The following METTL14 variants were observed in gnomAD, a reference collection of about 807,000 sequenced individuals.
METTL14 encodes the protein methyltransferase 14, N6-adenosine-methyltransferase non-catalytic subunit, also known as N(6)-adenosine-methyltransferase non-catalytic subunit METTL14.
In METTL14, 32 loss-of-function variants were observed where a neutral mutation model predicts 62.4. The observed-to-expected ratio is 0.51, with a 90% CI of 0.39 to 0.69. The LOEUF (loss-of-function observed/expected upper bound fraction) is 0.69. Ranked by LOEUF, METTL14 falls within the 30% of genes least tolerant of loss-of-function variation. The pLI is 0.00. For synonymous variants in METTL14, 150 were observed against 180.0 expected, an observed-to-expected ratio of 0.83 and a Z score of 1.34; for missense variants, 340 against 551.9, an observed-to-expected ratio of 0.62 and a Z score of 3.85.
At chr4:118,701,694 CATATT>C (rs1418229065) in intron 8 of METTL14, among the ~76,000 whole-genome samples, 1 of 152,078 alleles carries the variant, frequency 6.6e-6, no homozygotes. Flanking sequence ...GTTTTTATGA[CATATT>C]ATTTATTATA....
intron 7 of METTL14, among the ~76,000 whole-genome samples, chr4:118,699,554 C>A (rs1192728702): frequency 2.0e-5 from 3 of 152,052 alleles, no homozygotes; most frequent in Non-Finnish European, 2.9e-5. Flanking sequence ...ATATTAAAAA[C>A]CATTTTTTAT....
intron 1 of METTL14, among the ~76,000 whole-genome samples, chr4:118,687,705 G>A (rs1271486368): frequency 6.6e-6 from 1 of 152,134 alleles, no homozygotes; most frequent in South Asian, 2.1e-4. Context: ...AAAATGTTTT[G>A]CCAGCTGTCA....
At chr4:118,686,130 C>G (rs1045555785) in intron 1 of METTL14, among the ~76,000 whole-genome samples, 1 of 152,220 alleles carries the variant, frequency 6.6e-6, no homozygotes, top group Non-Finnish European at 1.5e-5. Flanking sequence ...AAATCTTACT[C>G]TGTGTTAGTC....
intron 9 of METTL14, 96 bp downstream of exon 9, chr4:118,704,147 G>A: frequency 1.4e-6 from 1 of 709,580 alleles, no homozygotes. Flanking sequence ...TCAGTGAAAA[G>A]GTCCTTTTCT....
intron 4 of METTL14, 109 bp downstream of exon 4, chr4:118,691,721 T>G: frequency 1.6e-6 from 1 of 610,748 alleles, no homozygotes; most frequent in Non-Finnish European, 2.8e-6. Context: ...TATTGAGGGA[T>G]CATTGTTATA....
In METTL14 at chr4:118,705,781, A is replaced by G; in HGVS notation, c.1026A>G (p.Arg342=). The change falls in exon 10 of 11, where the codon AGA becomes AGG. Residue 342 remains arginine, a synonymous_variant. Coordinates refer to ENST00000388822, the MANE Select transcript of METTL14 (RefSeq NM_020961.4). ...HIIEHFCLGR[R]RLHLFGRDST... ...TTGAGCATTTTTGTCTTGGTAGAAG[A>G]CGCCTTCATCTATTTGGAAGAGATA... 1 of 1,614,102 alleles carries G rather than the reference A, an allele frequency of 6.2e-7. No individual in the cohort carries two copies. The highest frequency in any genetic ancestry group is 1.3e-5 in the African/African-American group (1 of 75,044).
In METTL14 at chr4:118,700,794, A is replaced by T. The variant is rs971697689; in HGVS notation, c.738+152A>T. The T allele has an allele frequency of 5.4e-6, 3 of 551,790 alleles. No homozygotes were observed. In the African/African-American group the frequency reaches 5.7e-5, roughly 10 times the overall value. The allele number at this position is 551,790 out of a possible 1,614,324, so 34.2% of individuals were successfully genotyped here. Reference sequence around the variant, plus strand: ...GAGAAAAAAAAAATGTCCAGAAAAGAACGTAAGAAAGGCAATACTTGTAAG... The same window carrying T: ...GAGAAAAAAAAAATGTCCAGAAAAGTACGTAAGAAAGGCAATACTTGTAAG... On this transcript the variant is annotated intron_variant, in intron 8 of 10. Transcript: ENST00000388822.
intron 8 of METTL14, 108 bp downstream of exon 8, chr4:118,700,750 T>A: frequency 1.4e-6 from 1 of 693,874 alleles, no homozygotes; most frequent in Non-Finnish European, 2.3e-6. Flanking sequence ...CTTTGTTTCT[T>A]AAATAATTCT....
chr4:118,705,471 C>A, intron 9 of METTL14, 140 bp from the exon 10 acceptor site: 1 of 712,998 alleles, frequency 1.4e-6, no homozygotes, highest in Non-Finnish European at 2.4e-6. Context: ...GAGACCCAGT[C>A]TCAAAAAGAA....
At chr4:118,698,557 A>G (rs1173457392) in intron 7 of METTL14, among the ~76,000 whole-genome samples, 2 of 152,040 alleles carry the variant, frequency 1.3e-5, no homozygotes, top group African/African-American at 4.8e-5. Flanking sequence ...GAATTAGGGT[A>G]ATAGTAGGAA....
Position 118,710,433 on chromosome 4 carries a change from T to G in METTL14, c.*131T>G. ...CTTTAATTTCTCTGAGCTGCAAGAATGTCTTAGCGAGCCTTGCTTGCAGTT... is the reference window on the plus strand; with the variant it reads ...CTTTAATTTCTCTGAGCTGCAAGAAGGTCTTAGCGAGCCTTGCTTGCAGTT... On this transcript the variant is annotated 3_prime_UTR_variant, in exon 11 of 11. Coordinates refer to ENST00000388822, the MANE Select transcript of METTL14 (RefSeq NM_020961.4). 1 of 888,664 alleles carries G rather than the reference T, an allele frequency of 1.1e-6. No individual in the cohort carries two copies. Among genetic ancestry groups the G allele is most frequent in the Non-Finnish European group, 1.7e-6 (1 of 594,842 alleles). The allele number at this position is 888,664 out of a possible 1,614,324, so 55.0% of individuals were successfully genotyped here. A position where few individuals can be genotyped will look rare whatever the true frequency, so the allele number is the denominator to read the frequency against.
intron 7 of METTL14, 100 bp from the exon 8 acceptor site, chr4:118,700,450 G>T: frequency 1.1e-6 from 1 of 873,294 alleles, no homozygotes; most frequent in East Asian, 2.6e-5. Context: ...TACACTTAAA[G>T]AACACATCTA....
chr4:118,689,134 A>G (rs189932500), intron 2 of METTL14, among the ~76,000 whole-genome samples: 22 of 152,342 alleles, frequency 1.4e-4, no homozygotes, highest in Admixed American at 9.8e-4. Context: ...TTTATTTTCA[A>G]TATATCCCTT....
intron 7 of METTL14, among the ~76,000 whole-genome samples, chr4:118,699,776 C>T (rs888597064): frequency 3.9e-5 from 6 of 152,150 alleles, no homozygotes; most frequent in African/African-American, 1.4e-4. Context: ...TTTCACTGTA[C>T]TTCAACTCTG....
chr4:118,692,226 C>CTTTTTTTTTTTT, intron 5 of METTL14, among the ~76,000 whole-genome samples, 158 bp downstream of exon 5: 1 of 131,444 alleles, frequency 7.6e-6, no homozygotes. Flanking sequence ...CTTTTCTTTT[C>CTTTTTTTTTTTT]TTTTTTTTTT....
chr4:118,696,108 ACT>A (rs1331022645), intron 6 of METTL14, among the ~76,000 whole-genome samples: 5 of 116,914 alleles, frequency 4.3e-5, no homozygotes, highest in South Asian at 3.0e-4. Flanking sequence ...ACAGAGTGAG[ACT>A]CTGTCTCAAA....
Position 118,713,458 on chromosome 4 carries a change from A to C in METTL14, c.*3156A>C, listed in dbSNP as rs1724980665. On this transcript the variant is annotated 3_prime_UTR_variant, in exon 11 of 11. Transcript: ENST00000388822. ...GTTTTCATCCTGAATTTAGAACATA[A>C]GATTTAGCCTTTGAAGTATAGTTTC... 1 of 152,236 alleles carries C rather than the reference A, an allele frequency of 6.6e-6. No homozygotes were observed. Among genetic ancestry groups the C allele is most frequent in the Non-Finnish European group, 1.5e-5 (1 of 68,036 alleles). The allele number at this position is 152,236 out of a possible 1,614,324, so 9.4% of individuals were successfully genotyped here.
chr4:118,707,632 C>T (rs973407705), intron 10 of METTL14, among the ~76,000 whole-genome samples: 3 of 146,850 alleles, frequency 2.0e-5, no homozygotes, highest in African/African-American at 5.1e-5. Flanking sequence ...CCACTGTACT[C>T]CAGCCAGGGT....
In METTL14 at chr4:118,685,593, C is replaced by T. The variant is rs766095452; in HGVS notation, c.59C>T (p.Ala20Val). 1.2e-6 allele frequency: 2 copies of T among 1,614,090 alleles called. No homozygotes were observed. Among genetic ancestry groups the T allele is most frequent in the South Asian group, 1.1e-5 (1 of 91,070 alleles). Residue 20 changes from alanine to valine, a missense_variant, in exon 1 of 11, where the codon GCG becomes GTG. Transcript: ENST00000388822. ...ERQKLRRQLL[A>V]QQLGAESADS... ...CAGAAGTTACGGCGACAGCTCCTCG[C>T]GCAGCAGGTCCGCGGCCCTGGTGTC...
Sources: allele counts gnomAD v4.1 joint callset (sites outside exome capture counted in the v4.1 genomes callset), GRCh38; gene constraint gnomAD v4.1.1; transcripts MANE v1.5; gene names NCBI Gene and HGNC (gene_info 2026-07-23, HGNC 2026-07-21).